IPO11: variants seen among roughly 807,000 people sequenced by gnomAD.
IPO11 encodes importin-11.
In IPO11, 66 loss-of-function variants were observed where a neutral mutation model predicts 143.2. That is an observed-to-expected ratio of 0.46 (90% CI 0.38 to 0.57). IPO11 has a LOEUF of 0.57. Among genes scored for constraint, IPO11 ranks in the 20% least tolerant of loss-of-function variants. The pLI, the probability that IPO11 is intolerant of heterozygous loss-of-function variation, is 0.00. For synonymous variants in IPO11, 385 were observed against 377.8 expected, an observed-to-expected ratio of 1.02 and a Z score of -0.22; for missense variants, 1,026 against 1,141.0, an observed-to-expected ratio of 0.90 and a Z score of 1.45.
chr5:62,578,387 G>A (rs1206407115), intron 27 of IPO11, among the ~76,000 whole-genome samples: 12 of 151,812 alleles, frequency 7.9e-5, no homozygotes, highest in African/African-American at 2.7e-4. Flanking sequence ...TCTTCAATGC[G>A]TATTTAACAC....
intron 5 of IPO11, among the ~76,000 whole-genome samples, chr5:62,464,539 G>A (rs1258660360): frequency 6.6e-6 from 1 of 150,378 alleles, no homozygotes; most frequent in Non-Finnish European, 1.5e-5. Context: ...GTGTGATCTC[G>A]GCTCACTGCA....
Position 62,427,472 on chromosome 5 carries a change from T to A in IPO11, c.-6-9802T>A, listed in dbSNP as rs2112109273. On this transcript the variant is annotated intron_variant, in intron 1 of 29. Transcript: ENST00000325324. ...GTCATAGGGCAGGTGTCCCCAGCCCTCAGGCCATGGACCAGTATCAGTCAG... is the reference window on the plus strand; with the variant it reads ...GTCATAGGGCAGGTGTCCCCAGCCCACAGGCCATGGACCAGTATCAGTCAG... Among the ~76,000 whole-genome samples, 2 of 152,302 alleles carry A rather than the reference T, an allele frequency of 1.3e-5. 1 individual carries two copies. The highest frequency in any genetic ancestry group is 4.1e-4 in the South Asian group (2 of 4,834).
At chr5:62,595,736 G>A (rs1342256354) in intron 28 of IPO11, among the ~76,000 whole-genome samples, 1 of 152,072 alleles carries the variant, frequency 6.6e-6, no homozygotes, top group Non-Finnish European at 1.5e-5. Flanking sequence ...TTGGGGTTTT[G>A]TTGGTGGGTT....
At chr5:62,557,519 CT>C (rs756240183) in intron 26 of IPO11, among the ~76,000 whole-genome samples, 2 of 152,150 alleles carry the variant, frequency 1.3e-5, no homozygotes, top group Non-Finnish European at 2.9e-5. Flanking sequence ...AAATATACCC[CT>C]GGTCTCTCAC....
At chr5:62,577,642 A>G (rs1257805524) in intron 27 of IPO11, among the ~76,000 whole-genome samples, 4 of 152,152 alleles carry the variant, frequency 2.6e-5, no homozygotes, top group African/African-American at 9.6e-5. Context: ...TAGCAATAAC[A>G]GTAACCAGCC....
At chr5:62,571,073 G>C (rs537855531) in intron 27 of IPO11, among the ~76,000 whole-genome samples, 1 of 152,204 alleles carries the variant, frequency 6.6e-6, no homozygotes, top group Non-Finnish European at 1.5e-5. Context: ...AATGAGTCTC[G>C]TGTGCTTTCT....
chr5:62,443,497 C>T (rs1744585592), intron 3 of IPO11, among the ~76,000 whole-genome samples: 1 of 150,756 alleles, frequency 6.6e-6, no homozygotes, highest in Admixed American at 6.6e-5. Context: ...GAACAAAAGC[C>T]CTCTGTTTTA....
intron 1 of IPO11, among the ~76,000 whole-genome samples, chr5:62,433,150 T>G (rs904963505): frequency 2.3e-4 from 35 of 151,794 alleles, no homozygotes; most frequent in Non-Finnish European, 2.5e-4. Flanking sequence ...CTTTTTGTTT[T>G]TTGTTTTTTT....
At chr5:62,451,292 T>C (rs1744917208) in intron 4 of IPO11, among the ~76,000 whole-genome samples, 1 of 152,160 alleles carries the variant, frequency 6.6e-6, no homozygotes, top group African/African-American at 2.4e-5. Context: ...CTTAAAAATA[T>C]TCGTGTAAAA....
intron 5 of IPO11, among the ~76,000 whole-genome samples, chr5:62,460,195 T>C (rs1160037079): frequency 6.6e-6 from 1 of 152,258 alleles, no homozygotes; most frequent in Non-Finnish European, 1.5e-5. Context: ...TATCCAGTTT[T>C]CTAGATTGTT....
At chr5:62,503,408 T>TATCTATTAATATATTA (rs1561338340) in intron 16 of IPO11, among the ~76,000 whole-genome samples, 3 of 148,214 alleles carry the variant, frequency 2.0e-5, no homozygotes, top group Non-Finnish European at 4.5e-5. Context: ...ATATTAATAG[T>TATCTATTAATATATTA]ATCTATTAAT....
At chr5:62,431,005 A>C (rs150972314) in intron 1 of IPO11, among the ~76,000 whole-genome samples, 277 of 151,386 alleles carry the variant, frequency 1.8e-3, no homozygotes, top group African/African-American at 6.5e-3. Flanking sequence ...TTTGAGACAG[A>C]GTCTCCTCTG....
At chr5:62,460,766 T>C (rs1745329954) in intron 5 of IPO11, among the ~76,000 whole-genome samples, 1 of 152,180 alleles carries the variant, frequency 6.6e-6, no homozygotes, top group Non-Finnish European at 1.5e-5. Context: ...CATTAAACAG[T>C]TTATTTGCAT....
At chr5:62,485,017 T>C (rs1746348728) in intron 11 of IPO11, among the ~76,000 whole-genome samples, 1 of 152,172 alleles carries the variant, frequency 6.6e-6, no homozygotes, top group African/African-American at 2.4e-5. Context: ...TATTTTTCTT[T>C]AAATTCAAGA....
chr5:62,431,122 A>G (rs531654162), intron 1 of IPO11, among the ~76,000 whole-genome samples: 74 of 151,842 alleles, frequency 4.9e-4, no homozygotes, highest in Non-Finnish European at 9.6e-4. Flanking sequence ...GACTACAGGC[A>G]TGTGCTACGG....
chr5:62,491,832 A>AT (rs1253844705), intron 15 of IPO11, among the ~76,000 whole-genome samples: 1 of 151,318 alleles, frequency 6.6e-6, no homozygotes, highest in Non-Finnish European at 1.5e-5. Context: ...TGCCCGGCTA[A>AT]TTTTTTTGTA....
At chr5:62,483,408 T>G in intron 10 of IPO11, 115 bp downstream of exon 10, 1 of 660,636 alleles carries the variant, frequency 1.5e-6, no homozygotes, top group South Asian at 2.3e-5. Flanking sequence ...AAATTGTTGC[T>G]GGGACATGAA....
At chr5:62,581,406 A>G in intron 27 of IPO11, 1 of 902,436 alleles carries the variant, frequency 1.1e-6, no homozygotes, top group Non-Finnish European at 1.6e-6. Flanking sequence ...AAATATAATG[A>G]ATTATATGAG....
intron 26 of IPO11, among the ~76,000 whole-genome samples, chr5:62,555,253 T>C (rs1362203451): frequency 1.3e-5 from 2 of 151,742 alleles, no homozygotes; most frequent in Non-Finnish European, 2.9e-5. Context: ...GTGTCTTTTT[T>C]TTTGTATTTT....
Sources: gnomAD v4.1 joint callset for allele counts (sites outside exome capture counted in the v4.1 genomes callset) on GRCh38, gnomAD v4.1.1 for gene constraint, MANE v1.5 for transcripts, NCBI Gene and HGNC (gene_info 2026-07-23, HGNC 2026-07-21) for gene names.